The following JADE3 variants were observed in gnomAD, a reference collection of about 807,000 sequenced individuals.
JADE3 encodes jade family PHD finger 3, also known as protein Jade-3.
Under a neutral mutation model 50.1 loss-of-function variants are expected in JADE3, and 2 were observed. That is an observed-to-expected ratio of 0.04 (90% confidence interval 0.02 to 0.13). The LOEUF (loss-of-function observed/expected upper bound fraction) is 0.13, where lower values mean the gene tolerates loss of function less well. Ranked by LOEUF, JADE3 falls within the 10% of genes least tolerant of loss-of-function variation. The pLI, the probability that JADE3 is intolerant of heterozygous loss-of-function variation, is 1.00. For missense variants in JADE3, 475 were observed against 634.4 expected, an observed-to-expected ratio of 0.75 and a Z score of 2.70; for synonymous variants, 218 against 232.9, an observed-to-expected ratio of 0.94 and a Z score of 0.58.
At chrX:46,936,082 G>A (rs1434448436) in intron 1 of JADE3, among the ~76,000 whole-genome samples, 9 of 104,101 alleles carry the variant, frequency 8.6e-5, no homozygotes, top group Non-Finnish European at 1.7e-4. Flanking sequence ...GCAGTGGCAC[G>A]ATCTTGGCTC....
chrX:46,967,218 AT>A (rs1927387173), intron 1 of JADE3, among the ~76,000 whole-genome samples: 1 of 112,138 alleles, frequency 8.9e-6, no homozygotes, highest in African/African-American at 3.2e-5. Context: ...TAAACTGCAG[AT>A]TTTCAGATAA....
rs113988663 is a variant in JADE3 at position 46,936,215 on chromosome X, C to T, written c.-12+23496C>T. 5.3e-3 allele frequency among the ~76,000 whole-genome samples: 581 copies of T among 110,124 alleles called. 7 individuals are homozygous for T. Among genetic ancestry groups the T allele is most frequent in the African/African-American group, 0.017 (526 of 30,147 alleles). On this transcript the variant is annotated intron_variant, in intron 1 of 10. Transcript: ENST00000614628. ...TGTATTTTTAGTAGAAACGGGGTTT[C>T]GCCATGTTGGCCAAGCTGGTCTTGA...
intron 1 of JADE3, among the ~76,000 whole-genome samples, chrX:46,979,128 G>C (rs1182908952): frequency 5.4e-5 from 6 of 111,827 alleles, no homozygotes; most frequent in African/African-American, 1.3e-4. Context: ...ACTCGTATTA[G>C]ATAATCTGTT....
At chrX:46,975,750 C>G (rs1354405075) in intron 1 of JADE3, among the ~76,000 whole-genome samples, 19 of 69,205 alleles carry the variant, frequency 2.7e-4, no homozygotes, top group Non-Finnish European at 3.1e-4. Context: ...GACAGAGTCT[C>G]GCTCTGTCAC....
intron 3 of JADE3, among the ~76,000 whole-genome samples, chrX:46,995,242 GA>G (rs1421483461): frequency 2.7e-5 from 3 of 110,593 alleles, no homozygotes; most frequent in Non-Finnish European, 5.7e-5. Flanking sequence ...TGTTAACCAG[GA>G]TGGTCTCGAT....
At chrX:47,038,853 G>T in intron 7 of JADE3, 96 bp from the exon 8 acceptor site, 1 of 492,759 alleles carries the variant, frequency 2.0e-6, no homozygotes, top group South Asian at 3.2e-5. Context: ...TCATTGTTTT[G>T]ATGTTCTTAG....
chrX:46,990,135 G>T (rs1927952791), intron 3 of JADE3, among the ~76,000 whole-genome samples: 1 of 110,727 alleles, frequency 9.0e-6, no homozygotes, highest in Non-Finnish European at 1.9e-5. Flanking sequence ...TTTTATCATG[G>T]ATGTTTTAAA....
intron 4 of JADE3, among the ~76,000 whole-genome samples, chrX:47,006,488 A>G (rs1377150557): frequency 7.2e-5 from 7 of 97,746 alleles, no homozygotes; most frequent in Admixed American, 4.6e-4. Flanking sequence ...TTTTAGAGAC[A>G]GGGGTTTCGC....
chrX:47,032,391 A>G (rs1321904983), intron 6 of JADE3, among the ~76,000 whole-genome samples: 2 of 111,442 alleles, frequency 1.8e-5, no homozygotes, highest in African/African-American at 6.5e-5. Flanking sequence ...AGACCTTGGA[A>G]AATAGCCAAC....
At chrX:47,012,264 A>C (rs782372779) in intron 4 of JADE3, among the ~76,000 whole-genome samples, 73 of 110,957 alleles carry the variant, frequency 6.6e-4, no homozygotes, top group Non-Finnish European at 1.2e-3. Context: ...TACTTTCCTC[A>C]TGGTGTCCTT....
intron 1 of JADE3, among the ~76,000 whole-genome samples, chrX:46,962,861 AAG>A (rs1556348090): frequency 9.3e-6 from 1 of 107,253 alleles, no homozygotes; most frequent in African/African-American, 3.4e-5. Context: ...TTTTTGGAGA[AAG>A]AGTCTTGCCC....
Position 47,058,896 on chromosome X carries a change from A to G in JADE3, c.2291A>G (p.Asn764Ser). 1.7e-6 allele frequency: 2 copies of G among 1,211,587 alleles called. No homozygotes were observed. The highest frequency in any genetic ancestry group is 2.2e-6 in the Non-Finnish European group (2 of 895,440). Reference protein sequence around the residue: ...RSAGRAPYQENDGYCPDLELS... With the variant: ...RSAGRAPYQESDGYCPDLELS... ...GCAGGGAGAGCTCCATATCAGGAAA[A>G]TGATGGCTATTGCCCAGATTTGGAG... is the stretch of plus-strand genomic sequence containing the variant. Residue 764 changes from asparagine (N) to serine (S), a missense_variant, in exon 11 of 11, where the codon AAT (asparagine) becomes AGT (serine). Asn to Ser is a conservative substitution (Grantham distance 46). Transcript: ENST00000614628.
At chrX:47,002,645 C>A (rs782054579) in intron 4 of JADE3, among the ~76,000 whole-genome samples, 1 of 105,203 alleles carries the variant, frequency 9.5e-6, no homozygotes, top group South Asian at 4.1e-4. Context: ...TTTTCTATAA[C>A]CCTGCTGAAT....
chrX:46,940,990 G>T (rs1926739763), intron 1 of JADE3, among the ~76,000 whole-genome samples: 1 of 110,749 alleles, frequency 9.0e-6, no homozygotes, highest in South Asian at 3.8e-4. Context: ...TCTGTCACGT[G>T]GGTTTGTTGC....
intron 4 of JADE3, among the ~76,000 whole-genome samples, chrX:46,999,485 A>ATATAACATATATATACATATATAAC (rs1556358436): frequency 4.8e-5 from 5 of 105,168 alleles, no homozygotes; most frequent in African/African-American, 1.0e-4. Context: ...ATATATATAT[A>ATATAACATATATATACATATATAAC]AAATAGGGTC....
At chrX:46,932,262 G>C (rs1926514416) in intron 1 of JADE3, among the ~76,000 whole-genome samples, 1 of 111,704 alleles carries the variant, frequency 9.0e-6, no homozygotes, top group South Asian at 3.8e-4. Context: ...ATCTTTGTTT[G>C]GCTCACTGTT....
intron 1 of JADE3, among the ~76,000 whole-genome samples, chrX:46,950,362 A>T (rs1926977002): frequency 8.9e-6 from 1 of 112,418 alleles, no homozygotes; most frequent in Admixed American, 9.5e-5. Flanking sequence ...AGATGTGGAC[A>T]TTTCATATAA....
Position 47,058,150 on chromosome X carries a change from T to C in JADE3, c.1562-17T>C. 1 of 1,186,148 alleles carries C rather than the reference T, an allele frequency of 8.4e-7. No individual in the cohort carries two copies. Among genetic ancestry groups the C allele is most frequent in the Non-Finnish European group, 1.1e-6 (1 of 880,411 alleles). On this transcript the variant is annotated splice_polypyrimidine_tract_variant and intron_variant, in intron 10 of 10. Transcript: ENST00000614628. ...TTTAAATCGGTTGTTAAAACGAATC[T>C]TTCTTTTTTATCTCAGGGCTTCCTT... is the stretch of plus-strand genomic sequence containing the variant.
intron 1 of JADE3, among the ~76,000 whole-genome samples, chrX:46,971,988 A>G (rs1042027329): frequency 1.6e-4 from 18 of 109,476 alleles, no homozygotes; most frequent in Non-Finnish European, 3.2e-4. Flanking sequence ...CAAATTTTCA[A>G]TGTTCTTTCT....
Sources: gnomAD v4.1 joint callset for allele counts (sites outside exome capture counted in the v4.1 genomes callset) on GRCh38, gnomAD v4.1.1 for gene constraint, MANE v1.5 for transcripts, NCBI Gene and HGNC (gene_info 2026-07-23, HGNC 2026-07-21) for gene names.